SLC66A2: variants seen among roughly 807,000 people sequenced by gnomAD.
SLC66A2 encodes the protein PQ loop repeat containing 1.
Under a neutral mutation model 25.5 loss-of-function variants are expected in SLC66A2, and 23 were observed. The ratio of observed to expected loss-of-function variants is 0.90; its 90% CI spans 0.65 to 1.28. The LOEUF (loss-of-function observed/expected upper bound fraction) is 1.28, where lower values mean the gene tolerates loss of function less well. Ranked by LOEUF, SLC66A2 falls within the 50% of genes most tolerant of loss-of-function variation. The probability of loss-of-function intolerance (pLI) is 0.00; values close to 1 mark genes in which losing one functional copy is unlikely to be tolerated. For synonymous variants in SLC66A2, 193 were observed against 166.5 expected (o/e 1.16, Z -1.23); for missense variants, 396 against 373.1 (o/e 1.06, Z -0.51).
At chr18:79,916,048 T>C (rs1006928984) in intron 5 of SLC66A2, 1 of 212,302 alleles carries the variant, frequency 4.7e-6, no homozygotes, top group Non-Finnish European at 9.6e-6. Context: ...GGTGCTCCCG[T>C]ACCCATGGCG....
chr18:79,910,709 G>C (rs1982984250), intron 5 of SLC66A2, among the ~76,000 whole-genome samples: 1 of 152,240 alleles, frequency 6.6e-6, no homozygotes, highest in Non-Finnish European at 1.5e-5. Context: ...TGGCACCCCG[G>C]AGAATCTGCT....
intron 3 of SLC66A2, 150 bp from the exon 4 acceptor site, chr18:79,934,172 G>T: frequency 1.5e-6 from 1 of 687,478 alleles, no homozygotes; most frequent in Non-Finnish European, 2.5e-6. Flanking sequence ...ACAAGATTTT[G>T]GTTTTTGTGC....
In SLC66A2 at chr18:79,937,658, C is replaced by A. The variant is rs1987235502; in HGVS notation, c.338-3636G>T. On this transcript the variant is annotated intron_variant, in intron 3 of 5. Coordinates refer to ENST00000397778, the MANE Select transcript of SLC66A2 (RefSeq NM_025078.5). This position sits in a 1 kb window ranked among gnomAD's most constrained non-coding sequence, Gnocchi z 5.4. The stretch of plus-strand genomic sequence containing the variant: ...CCACAGTGGCCGCTGACCACACGCA[C>A]CTCCGACGGAACGACGCAACCATCC... Among the ~76,000 whole-genome samples the A allele has an allele frequency of 6.6e-6, 1 of 152,186 alleles. No individual in the cohort carries two copies.
chr18:79,950,501 A>T (rs9954782), intron 2 of SLC66A2, among the ~76,000 whole-genome samples: 19,552 of 152,044 alleles, frequency 0.13, 1,319 homozygotes, highest in East Asian at 0.22. Context: ...GGATCTGGAG[A>T]TTTTCTCTGA....
At chr18:79,906,910 T>G (rs1254015398) in intron 5 of SLC66A2, among the ~76,000 whole-genome samples, 9 of 152,248 alleles carry the variant, frequency 5.9e-5, no homozygotes, top group Non-Finnish European at 1.3e-4. Flanking sequence ...CATGATGCAA[T>G]GTCCTTTTTT....
At chr18:79,914,342 A>G (rs1353726582) in intron 5 of SLC66A2, among the ~76,000 whole-genome samples, 2 of 152,204 alleles carry the variant, frequency 1.3e-5, no homozygotes, top group Admixed American at 1.3e-4. Flanking sequence ...ACTACCCACA[A>G]TGGCTTCAAG....
chr18:79,928,877 G>C (rs1387910163), intron 4 of SLC66A2, among the ~76,000 whole-genome samples: 1 of 152,102 alleles, frequency 6.6e-6, no homozygotes, highest in Admixed American at 6.5e-5. Flanking sequence ...CTCACTGGGA[G>C]AGGTTCCACA....
At chr18:79,925,603 C>T (rs1011865902) in intron 4 of SLC66A2, among the ~76,000 whole-genome samples, 1 of 152,238 alleles carries the variant, frequency 6.6e-6, no homozygotes, top group Non-Finnish European at 1.5e-5. Flanking sequence ...AGATCTCTTC[C>T]AGCACCCCCC....
In SLC66A2 at chr18:79,918,633, G is replaced by A. The variant is rs1984578453; in HGVS notation, c.608+551C>T. ...CCGTGGGCATCATGCTGCTCGCGTT[G>A]TGCCCTACCTCTGGCGGTCACGGGG... On this transcript the variant is annotated intron_variant, in intron 5 of 5. Coordinates refer to ENST00000397778, the MANE Select transcript of SLC66A2 (RefSeq NM_025078.5). This position sits in a 1 kb window ranked among gnomAD's most constrained non-coding sequence, Gnocchi z 4.0. Among the ~76,000 whole-genome samples, 1 of 152,254 alleles carries A rather than the reference G, an allele frequency of 6.6e-6. No individual in the cohort carries two copies.
At chr18:79,946,206 C>G (rs1013253206) in intron 2 of SLC66A2, among the ~76,000 whole-genome samples, 2 of 150,834 alleles carry the variant, frequency 1.3e-5, no homozygotes, top group Non-Finnish European at 1.5e-5. Flanking sequence ...ACAGGGTGCC[C>G]GGGGAGATAG....
chr18:79,908,011 T>C (rs1982381667), intron 5 of SLC66A2, among the ~76,000 whole-genome samples: 1 of 152,120 alleles, frequency 6.6e-6, no homozygotes, highest in Admixed American at 6.5e-5. Context: ...TTCACTATCG[T>C]CTCCCTCTTT....
intron 4 of SLC66A2, among the ~76,000 whole-genome samples, chr18:79,925,275 T>C (rs1280193866): frequency 1.3e-5 from 2 of 151,890 alleles, no homozygotes; most frequent in Non-Finnish European, 2.9e-5. Flanking sequence ...AGAGGGCAGG[T>C]GGCTGTGGGA....
At position 79,919,173 on chromosome 18, in the gene SLC66A2, C is replaced by T. The variant is rs781186428; in HGVS notation, c.608+11G>A. ...AGCAGTGGTGCTTCCGTGGCGGCATCCCCGGCCTACCTCATGCCCTCCGTG... is the reference window on the plus strand; with the variant it reads ...AGCAGTGGTGCTTCCGTGGCGGCATTCCCGGCCTACCTCATGCCCTCCGTG... On this transcript the variant is annotated intron_variant, in intron 5 of 5. Coordinates refer to ENST00000397778, the MANE Select transcript of SLC66A2 (RefSeq NM_025078.5). The T allele has an allele frequency of 3.7e-6, 6 of 1,611,496 alleles. No individual in the cohort carries two copies. The South Asian group carries it at 6.6e-5, about 18-fold the overall frequency.
chr18:79,918,420 C>G lies in SLC66A2; in HGVS notation c.608+764G>C, dbSNP rs1203860543. 1.3e-4 allele frequency among the ~76,000 whole-genome samples: 14 copies of G among 109,070 alleles called. No individual in the cohort carries two copies. Among genetic ancestry groups the G allele is most frequent in the Non-Finnish European group, 2.3e-4 (11 of 47,218 alleles). 71.6% of individuals were successfully genotyped at this position (109,070 alleles called of 152,430 possible). On this transcript the variant is annotated intron_variant, in intron 5 of 5. Transcript: ENST00000397778. This position sits in a 1 kb window ranked among gnomAD's most constrained non-coding sequence, Gnocchi z 4.0. ...GCGGATCCCCAGTGAGGAGCGGGCC[C>G]GGGGGGGGGTCCCCAGTGAGGAGCG... is the stretch of plus-strand genomic sequence containing the variant.
chr18:79,903,663 A>C lies in SLC66A2; in HGVS notation c.*313T>G. On this transcript the variant is annotated 3_prime_UTR_variant, in exon 6 of 6. Coordinates refer to ENST00000397778, the MANE Select transcript of SLC66A2 (RefSeq NM_025078.5). ...GGAGCAGGTTCCTGCAGGCCGCCCA[A>C]TGTGTACCTTGGGCTCAGACGGTGT... 2.6e-6 allele frequency: 1 copy of C among 378,478 alleles called. No individual in the cohort carries two copies. Among genetic ancestry groups the C allele is most frequent in the South Asian group, 3.6e-5 (1 of 27,734 alleles). The allele number at this position is 378,478 out of a possible 1,614,324, so 23.4% of individuals were successfully genotyped here. A position where few individuals can be genotyped will look rare whatever the true frequency, so the allele number is the denominator to read the frequency against.
chr18:79,924,596 TTA>T (rs1374056809), intron 4 of SLC66A2, among the ~76,000 whole-genome samples: 8 of 152,224 alleles, frequency 5.3e-5, no homozygotes, highest in Non-Finnish European at 8.8e-5. Context: ...GTTATGTAAA[TTA>T]TATCTCTAAT....
At chr18:79,920,181 A>G (rs868223686) in intron 4 of SLC66A2, among the ~76,000 whole-genome samples, 2 of 5,416 alleles carry the variant, frequency 3.7e-4, no homozygotes, top group Non-Finnish European at 0.05. Context: ...GGAGAGGTCA[A>G]GGTCAGTGGA....
Position 79,918,248 on chromosome 18 carries a change from C to A in SLC66A2, c.608+936G>T, listed in dbSNP as rs1231734722. Among the ~76,000 whole-genome samples the A allele has an allele frequency of 6.6e-6, 1 of 152,240 alleles. No individual in the cohort carries two copies. The highest frequency in any genetic ancestry group is 1.5e-5 in the Non-Finnish European group (1 of 68,032). ...GTTCTCCAACACAAAAACGCGTCAG[C>A]CCCTCTCTTCCAGGCTGTTTCCCAC... On this transcript the variant is annotated intron_variant, in intron 5 of 5. Transcript: ENST00000397778. This position sits in a 1 kb window ranked among gnomAD's most constrained non-coding sequence, Gnocchi z 4.0.
chr18:79,950,901 A>G lies in SLC66A2; in HGVS notation c.26T>C (p.Leu9Pro). MEAEGLDW[L>P]LVPLHQLVSW... The stretch of plus-strand genomic sequence containing the variant: ...CACCAGCTGGTGCAGTGGCACCAGG[A>G]GCCAGTCCAGGCCCTCGGCCTCCAT... Residue 9 changes from leucine (L) to proline (P), a missense_variant, in exon 2 of 6, where the codon CTC becomes CCC. Coordinates refer to ENST00000397778, the MANE Select transcript of SLC66A2 (RefSeq NM_025078.5). The G allele has an allele frequency of 6.3e-7, 1 of 1,590,900 alleles. No individual in the cohort carries two copies. The highest frequency in any genetic ancestry group is 8.5e-7 in the Non-Finnish European group (1 of 1,169,944).
Sources: allele counts gnomAD v4.1 joint callset (sites outside exome capture counted in the v4.1 genomes callset), GRCh38; gene constraint gnomAD v4.1.1; non-coding constraint Gnocchi (gnomAD v3.1); transcripts MANE v1.5; gene names NCBI Gene and HGNC (gene_info 2026-07-23, HGNC 2026-07-21).